The following ATL1 variants were observed in gnomAD, a reference collection of about 807,000 sequenced individuals.
The protein encoded by ATL1 is atlastin GTPase 1, also known as atlastin-1.
Under a neutral mutation model 75.5 loss-of-function variants are expected in ATL1, and 31 were observed. The ratio of observed to expected loss-of-function variants is 0.41; its 90% CI spans 0.31 to 0.55. The LOEUF (loss-of-function observed/expected upper bound fraction) is 0.55, where lower values mean the gene tolerates loss of function less well. ATL1 is among the 20% of genes least tolerant of loss of function. The pLI, the probability that ATL1 is intolerant of heterozygous loss-of-function variation, is 0.27. For synonymous variants in ATL1, 226 were observed against 233.3 expected, an observed-to-expected ratio of 0.97 and a Z score of 0.28; for missense variants, 405 against 662.6, an observed-to-expected ratio of 0.61 and a Z score of 4.27.
At chr14:50,590,317 G>A (rs915248929) in intron 2 of ATL1, among the ~76,000 whole-genome samples, 9 of 151,834 alleles carry the variant, frequency 5.9e-5, no homozygotes, top group South Asian at 2.1e-4. Flanking sequence ...ATAACTTTCC[G>A]TCGCCTGCAG....
At chr14:50,569,533 A>G (rs115967218) in intron 1 of ATL1, among the ~76,000 whole-genome samples, 1,653 of 152,258 alleles carry the variant, frequency 0.011, 24 homozygotes, top group African/African-American at 0.038. Flanking sequence ...TTTTTTTTAA[A>G]AGTATTAGTC....
At chr14:50,560,001 C>G, upstream of ATL1, 5 of 548,234 alleles carry the variant, frequency 9.1e-6, no homozygotes, top group Non-Finnish European at 3.3e-6. Flanking sequence ...TCACTGTCTT[C>G]ACGGTCTGGG....
chr14:50,626,792 C>T (rs1270911535), intron 11 of ATL1, among the ~76,000 whole-genome samples: 1 of 152,114 alleles, frequency 6.6e-6, no homozygotes, highest in African/African-American at 2.4e-5. Flanking sequence ...TTGAAATGTA[C>T]AGTAGATTAT....
chr14:50,631,463 T>G (rs1481781390), intron 13 of ATL1, among the ~76,000 whole-genome samples: 3 of 152,106 alleles, frequency 2.0e-5, no homozygotes, highest in African/African-American at 7.2e-5. Flanking sequence ...TGTAACTGAC[T>G]GTCAAGTATG....
intron 1 of ATL1, among the ~76,000 whole-genome samples, chr14:50,573,752 A>T (rs990094436): frequency 2.0e-5 from 3 of 152,128 alleles, no homozygotes; most frequent in Non-Finnish European, 4.4e-5. Flanking sequence ...TATGTTTTTT[A>T]AAAAAACATG....
intron 11 of ATL1, among the ~76,000 whole-genome samples, chr14:50,627,694 T>C (rs1049729151): frequency 6.6e-6 from 1 of 152,216 alleles, no homozygotes; most frequent in East Asian, 1.9e-4. Context: ...GTAGTTTTCT[T>C]AGATTTGGAT....
chr14:50,618,888 TATA>T (rs1283148902), intron 8 of ATL1, among the ~76,000 whole-genome samples: 22 of 132,952 alleles, frequency 1.7e-4, no homozygotes, highest in African/African-American at 5.5e-4. Context: ...TATATATATA[TATA>T]TTTTTTTTTC....
At chr14:50,552,219 C>T (rs950311123) in intron 1 of ATL1, among the ~76,000 whole-genome samples, 3 of 151,942 alleles carry the variant, frequency 2.0e-5, no homozygotes, top group African/African-American at 7.3e-5. Flanking sequence ...CCAACAATGA[C>T]AAAGCTGAGA....
chr14:50,545,813 GTT>G (rs1172461478), intron 1 of ATL1, among the ~76,000 whole-genome samples: 1 of 152,158 alleles, frequency 6.6e-6, no homozygotes, highest in Non-Finnish European at 1.5e-5. Flanking sequence ...GGCATGCCAG[GTT>G]TTCTAGGACG....
At chr14:50,562,062 T>G (rs1343547384) in intron 1 of ATL1, among the ~76,000 whole-genome samples, 3 of 152,150 alleles carry the variant, frequency 2.0e-5, no homozygotes, top group Admixed American at 6.5e-5. Context: ...TTTTTTTTTT[T>G]GAGATGGAGT....
upstream of ATL1, among the ~76,000 whole-genome samples, chr14:50,555,988 G>A (rs1011790225): frequency 2.0e-5 from 3 of 152,116 alleles, no homozygotes; most frequent in African/African-American, 7.2e-5. Context: ...AGAACCAATG[G>A]AAGAAAAAAT....
chr14:50,577,156 G>A (rs907834300), intron 1 of ATL1, among the ~76,000 whole-genome samples: 8 of 152,036 alleles, frequency 5.3e-5, no homozygotes, highest in African/African-American at 1.2e-4. Context: ...TCCACCTCCC[G>A]GGTTCAAGCG....
At chr14:50,560,650 G>A (rs969686144) in intron 1 of ATL1, 5 of 343,374 alleles carry the variant, frequency 1.5e-5, no homozygotes, top group African/African-American at 1.1e-4. Flanking sequence ...GAAGGCTATG[G>A]GGGTGGGCAG....
chr14:50,598,670 A>C (rs537263296), intron 6 of ATL1, among the ~76,000 whole-genome samples: 2 of 152,256 alleles, frequency 1.3e-5, no homozygotes, highest in East Asian at 3.9e-4. Flanking sequence ...GCCTTAAGTC[A>C]GTTTTTAAGA....
At chr14:50,570,185 T>G (rs541868828) in intron 1 of ATL1, among the ~76,000 whole-genome samples, 1 of 152,206 alleles carries the variant, frequency 6.6e-6, no homozygotes, top group Non-Finnish European at 1.5e-5. Context: ...GTATGTTGGT[T>G]CATTTGATGG....
intron 4 of ATL1, among the ~76,000 whole-genome samples, chr14:50,593,288 A>G (rs1182063257): frequency 6.6e-6 from 1 of 152,106 alleles, no homozygotes; most frequent in East Asian, 1.9e-4. Flanking sequence ...TTTTTATATC[A>G]GTACATAAAT....
Position 50,587,942 on chromosome 14 carries a change from A to G in ATL1, c.146A>G (p.Asp49Gly), listed in dbSNP as rs1172905535. 6.2e-7 allele frequency: 1 copy of G among 1,614,072 alleles called. No homozygotes were observed. Among genetic ancestry groups the G allele is most frequent in the Non-Finnish European group, 8.5e-7 (1 of 1,180,042 alleles). Residue 49 changes from aspartate to glycine, a missense_variant, in exon 2 of 14, where the codon GAT becomes GGT. Transcript: ENST00000358385. ...IVKDDHSFEL[D>G]ETALNRILLS... ...AAAGATGACCATTCCTTTGAGTTAG[A>G]TGAAACTGCATTAAATCGGATCCTT...
At chr14:50,614,835 A>C (rs1012237636) in intron 8 of ATL1, among the ~76,000 whole-genome samples, 1 of 152,168 alleles carries the variant, frequency 6.6e-6, no homozygotes, top group Non-Finnish European at 1.5e-5. Context: ...TATCTACATG[A>C]AAAAGGAAAA....
chr14:50,588,823 T>C (rs1020087577), intron 2 of ATL1, among the ~76,000 whole-genome samples: 4 of 152,238 alleles, frequency 2.6e-5, no homozygotes, highest in African/African-American at 7.2e-5. Flanking sequence ...TGTAGATCAT[T>C]GACTCAGAGT....
Sources: gnomAD v4.1 joint callset for allele counts (sites outside exome capture counted in the v4.1 genomes callset) on GRCh38, gnomAD v4.1.1 for gene constraint, MANE v1.5 for transcripts, NCBI Gene and HGNC (gene_info 2026-07-23, HGNC 2026-07-21) for gene names.